Variants in CACNA1H observed in about 807,000 individuals in gnomAD.
CACNA1H encodes voltage-dependent T-type calcium channel subunit alpha-1H.
A neutral mutation model predicts 192.5 loss-of-function variants in CACNA1H; 149 were observed. The ratio of observed to expected loss-of-function variants is 0.77; its 90% CI spans 0.68 to 0.89. The LOEUF (loss-of-function observed/expected upper bound fraction) is 0.89. Ranked by LOEUF, CACNA1H falls within the 40% of genes least tolerant of loss-of-function variation. The pLI is 0.00. For synonymous variants in CACNA1H, 2,202 were observed against 1,475.2 expected (o/e 1.49, Z -11.29); for missense variants, 4,257 against 3,423.5 (o/e 1.24, Z -6.08).
chr16:1,220,262 C>T lies in CACNA1H; in HGVS notation c.6330C>T (p.Pro2110=), dbSNP rs749630197. ...EVSHITSSAC[P]WQPTAEPHGP... is the part of the protein sequence containing the mutation. ...GCCACATCACCAGCTCCGCCTGCCC[C>T]TGGCAGCCCACAGCCGAGCCCCATG... The change falls in exon 35 of 35, where the codon CCC becomes CCT. Residue 2110 remains proline, a synonymous_variant. Transcript: ENST00000348261. The T allele has an allele frequency of 5.0e-6, 8 of 1,587,444 alleles. No individual in the cohort carries two copies. Among genetic ancestry groups the T allele is most frequent in the Middle Eastern group, 1.7e-4 (1 of 5,992 alleles).
In CACNA1H at chr16:1,218,489, A is replaced by G; in HGVS notation, c.5725A>G (p.Arg1909Gly). ...CTTGCCCCAGGAGAGTCCGGGCGCC[A>G]GGGACGCCCCAAACCTGGTTGCACG... ...PPLPQESPGA[R>G]DAPNLVARKV... Residue 1909 changes from arginine to glycine, a missense_variant, in exon 33 of 35, where the codon AGG becomes GGG. By Grantham distance (125) the Arg-to-Gly change is moderately radical. Transcript: ENST00000348261. 10 of 1,552,430 alleles carry G rather than the reference A, an allele frequency of 6.4e-6. No individual in the cohort carries two copies. In the South Asian group the frequency reaches 1.2e-4, roughly 18 times the overall value.
chr16:1,196,503 C>T (rs1286747288), intron 5 of CACNA1H, among the ~76,000 whole-genome samples: 1 of 152,168 alleles, frequency 6.6e-6, no homozygotes, highest in Non-Finnish European at 1.5e-5. Context: ...GAGGACACCT[C>T]GCTCTCCCCA....
chr16:1,219,418 C>T (rs971241522), intron 34 of CACNA1H, among the ~76,000 whole-genome samples: 9 of 151,692 alleles, frequency 5.9e-5, no homozygotes, highest in African/African-American at 1.7e-4. Context: ...AGCGGTTTCT[C>T]AGGTCCCGTG....
intron 2 of CACNA1H, among the ~76,000 whole-genome samples, chr16:1,187,375 C>T (rs1966177277): frequency 1.3e-5 from 2 of 152,210 alleles, no homozygotes; most frequent in African/African-American, 4.8e-5. Context: ...ACCTCAGCTG[C>T]AGTCTGTGCC....
chr16:1,203,748 G>A (rs139834022), intron 9 of CACNA1H, among the ~76,000 whole-genome samples: 1 of 152,258 alleles, frequency 6.6e-6, no homozygotes, highest in East Asian at 1.9e-4. Flanking sequence ...TCTTCACATG[G>A]CTCTTTGGTT....
intron 18 of CACNA1H, 33 bp from the exon 19 acceptor site, chr16:1,210,337 C>CG: frequency 4.7e-6 from 6 of 1,266,386 alleles, no homozygotes; most frequent in Non-Finnish European, 5.5e-6. Flanking sequence ...CACGCCGCCC[C>CG]GCCCCACCTC....
Position 1,180,868 on chromosome 16 carries a change from C to T in CACNA1H, c.300-14104C>T, listed in dbSNP as rs918584211. 1.3e-5 allele frequency among the ~76,000 whole-genome samples: 2 copies of T among 152,192 alleles called. No individual in the cohort carries two copies. The highest frequency in any genetic ancestry group is 2.9e-5 in the Non-Finnish European group (2 of 68,008). On this transcript the variant is annotated intron_variant, in intron 2 of 34. Coordinates refer to ENST00000348261, the MANE Select transcript of CACNA1H (RefSeq NM_021098.3). This position sits in a 1 kb window ranked among gnomAD's most constrained non-coding sequence, Gnocchi z 4.4. ...CCGGGCCAGCACCCGACCTGGCCGCCAGCGTGCTGAGGACAGACCTGCTGG... is the reference window on the plus strand; with the variant it reads ...CCGGGCCAGCACCCGACCTGGCCGCTAGCGTGCTGAGGACAGACCTGCTGG...
rs1368898995 is a variant in CACNA1H at position 1,220,936 on chromosome 16, A to G, written c.7004A>G (p.Lys2335Arg). ...YLTVPQCPLE[K>R]PGSPSATPAP... ...ACAGTCCCCCAGTGTCCTCTGGAGA[A>G]ACCAGGGTCCCCCTCAGCCACCCCT... is the stretch of plus-strand genomic sequence containing the variant. Residue 2335 changes from lysine to arginine, a missense_variant, in exon 35 of 35, where the codon AAA becomes AGA. Physicochemically the swap from Lys to Arg is conservative, Grantham distance 26. Coordinates refer to ENST00000348261, the MANE Select transcript of CACNA1H (RefSeq NM_021098.3). 1.8e-5 allele frequency: 29 copies of G among 1,608,574 alleles called. No homozygotes were observed. In the East Asian group the frequency reaches 6.5e-4, roughly 36 times the overall value.
At chr16:1,189,948 A>G (rs1038840988) in intron 2 of CACNA1H, among the ~76,000 whole-genome samples, 1 of 152,246 alleles carries the variant, frequency 6.6e-6, no homozygotes, top group African/African-American at 2.4e-5. Flanking sequence ...CAGGGGCTGG[A>G]GAAGGACAAT....
At chr16:1,155,888 G>GT (rs986705298) in intron 2 of CACNA1H, among the ~76,000 whole-genome samples, 1 of 152,166 alleles carries the variant, frequency 6.6e-6, no homozygotes, top group African/African-American at 2.4e-5. Context: ...CCCAAGCGCT[G>GT]TCCCCCGGTG....
chr16:1,160,447 C>T (rs986881406), intron 2 of CACNA1H, among the ~76,000 whole-genome samples: 22 of 152,260 alleles, frequency 1.4e-4, no homozygotes, highest in African/African-American at 5.3e-4. Context: ...GGGGGCGGGG[C>T]TCGGGGAAGG....
At chr16:1,196,046 G>T in intron 5 of CACNA1H, 23 bp downstream of exon 5, 1 of 1,589,296 alleles carries the variant, frequency 6.3e-7, no homozygotes, top group African/African-American at 1.3e-5. Flanking sequence ...CCCCGACTGG[G>T]CTTGAGATCA....
At position 1,204,005 on chromosome 16, in the gene CACNA1H, C is replaced by T. The variant is rs369119012; in HGVS notation, c.2003-5C>T. On this transcript the variant is annotated splice_polypyrimidine_tract_variant and splice_region_variant and intron_variant, in intron 9 of 34. Transcript: ENST00000348261. ...GCCTGCCCCTGTCTGTGCCCTCTCCCGCAGGACTGGGCCAGGCCCCTGGCC... is the reference window on the plus strand; with the variant it reads ...GCCTGCCCCTGTCTGTGCCCTCTCCTGCAGGACTGGGCCAGGCCCCTGGCC... The T allele has an allele frequency of 4.6e-5, 71 of 1,533,710 alleles. No homozygotes were observed. The African/African-American group carries it at 7.1e-4, about 15-fold the overall frequency.
At chr16:1,192,273 G>A (rs1319628195) in intron 2 of CACNA1H, among the ~76,000 whole-genome samples, 2 of 152,226 alleles carry the variant, frequency 1.3e-5, no homozygotes, top group African/African-American at 4.8e-5. Context: ...AGGTGTCCAG[G>A]TAGGACCCTG....
Position 1,202,315 on chromosome 16 carries a change from G to T in CACNA1H, c.1865G>T (p.Gly622Val). The change falls in exon 9 of 35, where the codon GGC becomes GTC. Residue 622 changes from glycine (G) to valine (V), a missense_variant. Physicochemically the swap from Gly to Val is moderately radical, Grantham distance 109. Coordinates refer to ENST00000348261, the MANE Select transcript of CACNA1H (RefSeq NM_021098.3). ...CCCACGATCCTGCCCTCAGGGGTGGGCAGCGGCAAAGGCAGCACCAGCCCC... is the reference window on the plus strand; with the variant it reads ...CCCACGATCCTGCCCTCAGGGGTGGTCAGCGGCAAAGGCAGCACCAGCCCC... ...NYPTILPSGV[G>V]SGKGSTSPGP... 1 of 1,583,564 alleles carries T rather than the reference G, an allele frequency of 6.3e-7. No individual in the cohort carries two copies. Among genetic ancestry groups the T allele is most frequent in the Non-Finnish European group, 8.6e-7 (1 of 1,167,174 alleles).
In CACNA1H at chr16:1,218,451, C is replaced by T. The variant is rs139080716; in HGVS notation, c.5687C>T (p.Ala1896Val). 13 of 1,551,800 alleles carry T rather than the reference C, an allele frequency of 8.4e-6. No homozygotes were observed. The East Asian group carries it at 9.8e-5, about 12-fold the overall frequency. Residue 1896 changes from alanine (A) to valine (V), a missense_variant, in exon 33 of 35, where the codon GCG (alanine) becomes GTG (valine). By Grantham distance (64) the Ala-to-Val change is moderately conservative. Coordinates refer to ENST00000348261, the MANE Select transcript of CACNA1H (RefSeq NM_021098.3). The stretch of plus-strand genomic sequence containing the variant: ...CCCGGGAGTGCACGCCGGGTGGACG[C>T]GGACAGGCCTCCCTTGCCCCAGGAG... ...QGPGSARRVDADRPPLPQESP... is the reference protein window; with the variant it reads ...QGPGSARRVDVDRPPLPQESP...
Position 1,212,127 on chromosome 16 carries a change from GGAGGCGCAGGAGT to G in CACNA1H, c.4749_4759+2del. The G allele has an allele frequency of 6.2e-7, 1 of 1,605,926 alleles. No individual in the cohort carries two copies. The highest frequency in any genetic ancestry group is 2.2e-5 in the East Asian group (1 of 44,854). ...GAGAAGCGGCTGCGGCGCCTAGAGA[GGAGGCGCAGGAGT>G]AAGGCGCTCCCGGTGGCGGTGGCGG... is the stretch of plus-strand genomic sequence containing the variant. On this transcript the variant is annotated splice_donor_variant and coding_sequence_variant, in exon 25 of 35. Transcript: ENST00000348261. LOFTEE classifies it high-confidence loss of function.
chr16:1,202,952 G>A (rs746238517), intron 9 of CACNA1H, among the ~76,000 whole-genome samples: 14 of 152,062 alleles, frequency 9.2e-5, no homozygotes, highest in Non-Finnish European at 2.1e-4. Flanking sequence ...TCCTATGCGG[G>A]GCCTGGGCCT....
At position 1,194,961 on chromosome 16, in the gene CACNA1H, C is replaced by A; in HGVS notation, c.300-11C>A. 6.3e-7 allele frequency: 1 copy of A among 1,599,636 alleles called. No homozygotes were observed. Among genetic ancestry groups the A allele is most frequent in the Non-Finnish European group, 8.6e-7 (1 of 1,168,214 alleles). ...GGCCGCGCCGGTGTGCTCCTTAACC[C>A]GCGGCGACACATGGTTCGAGCACGT... On this transcript the variant is annotated splice_polypyrimidine_tract_variant and intron_variant, in intron 2 of 34. Transcript: ENST00000348261.
Sources: allele counts gnomAD v4.1 joint callset (sites outside exome capture counted in the v4.1 genomes callset), GRCh38; gene constraint gnomAD v4.1.1; non-coding constraint Gnocchi (gnomAD v3.1); transcripts MANE v1.5; gene names NCBI Gene and HGNC (gene_info 2026-07-23, HGNC 2026-07-21).